Variants in OXA1L observed in about 807,000 individuals in gnomAD.
The protein encoded by OXA1L is mitochondrial inner membrane protein OXA1L.
Under a neutral mutation model 52.2 loss-of-function variants are expected in OXA1L, and 42 were observed. The ratio of observed to expected loss-of-function variants is 0.80; its 90% CI spans 0.63 to 1.04. OXA1L has a LOEUF of 1.04. OXA1L is among the 50% of genes least tolerant of loss of function. OXA1L has a pLI of 0.00. For missense variants in OXA1L, 572 were observed against 555.0 expected, an observed-to-expected ratio of 1.03 and a Z score of -0.31; for synonymous variants, 239 against 201.9, an observed-to-expected ratio of 1.18 and a Z score of -1.56.
chr14:22,771,847 C>T lies in OXA1L; in HGVS notation c.*289C>T. ...GTGCACTTCAGAAAACTGAAGAATA[C>T]CCAGCATTTTGGGAGGCCGAGGTGG... On this transcript the variant is annotated 3_prime_UTR_variant, in exon 10 of 10. Transcript: ENST00000612549. 6.1e-6 allele frequency: 2 copies of T among 326,122 alleles called. No homozygotes were observed. The highest frequency in any genetic ancestry group is 6.1e-5 in the East Asian group (1 of 16,292). The allele number at this position is 326,122 out of a possible 1,614,324, so 20.2% of individuals were successfully genotyped here. A position where few individuals can be genotyped will look rare whatever the true frequency, so the allele number is the denominator to read the frequency against.
rs2038454933 is a variant in OXA1L at position 22,771,070 on chromosome 14, C to T, written c.992C>T (p.Ser331Phe). ...AATTTGTTTTCCCTGGTCCAAGTAT[C>T]CTGTCTCCGGATTCCAGCAGTACGC... ...SSNLFSLVQV[S>F]CLRIPAVRTV... is the part of the protein sequence containing the mutation. Residue 331 changes from serine (S) to phenylalanine (F), a missense_variant, in exon 8 of 10, where the codon TCC (serine) becomes TTC (phenylalanine). Ser to Phe is a radical substitution (Grantham distance 155). Transcript: ENST00000612549. 6.2e-7 allele frequency: 1 copy of T among 1,614,172 alleles called. No homozygotes were observed. Among genetic ancestry groups the T allele is most frequent in the Non-Finnish European group, 8.5e-7 (1 of 1,180,022 alleles).
Position 22,769,895 on chromosome 14 carries a change from C to A in OXA1L, c.544C>A (p.Arg182=). Residue 182 remains arginine (R), a synonymous_variant, in exon 4 of 10, where the codon CGA becomes AGA. Transcript: ENST00000612549. ...GCCAGAGATCCAGAAGTTTTCCAGT[C>A]GAATCAGAGAGGCCAAGTTAGCAGG... ...HLPEIQKFSS[R]IREAKLAGDH... 6.2e-7 allele frequency: 1 copy of A among 1,614,052 alleles called. No individual in the cohort carries two copies. Among genetic ancestry groups the A allele is most frequent in the Middle Eastern group, 1.6e-4 (1 of 6,062 alleles).
intron 1 of OXA1L, chr14:22,766,981 G>T: frequency 1.3e-6 from 2 of 1,530,074 alleles, no homozygotes; most frequent in Non-Finnish European, 1.7e-6. Flanking sequence ...GGCTCCTGGC[G>T]AGAGCACCTC....
rs1183823187 is a variant in OXA1L, at chr14:22,772,167, A to AATG, written c.*610_*612dup. 3 of 152,214 alleles carry AATG rather than the reference A, an allele frequency of 2.0e-5. No individual in the cohort carries two copies. Among genetic ancestry groups the AATG allele is most frequent in the African/African-American group, 7.3e-5 (3 of 41,282 alleles). 9.4% of individuals were successfully genotyped at this position (152,214 alleles called of 1,614,324 possible). A position where few individuals can be genotyped will look rare whatever the true frequency, so the allele number is the denominator to read the frequency against. ...GCTGGCCCATGGCCTTGGAAAATAT[A>AATG]ATGTTTTAACCTGGCATTAAGGGTT... On this transcript the variant is annotated 3_prime_UTR_variant, in exon 10 of 10. Transcript: ENST00000612549.
rs1226583494 is a variant in OXA1L, at chr14:22,767,311, C to T, written c.127C>T (p.Pro43Ser). The change falls in exon 2 of 10, where the codon CCA (proline) becomes TCA (serine). Residue 43 changes from proline to serine, a missense_variant. Pro to Ser is a moderately conservative substitution (Grantham distance 74). Around this residue, in one of 5 missense-constraint regions of OXA1L, gnomAD observed 186 missense variants for 151.8 expected, o/e 1.23. Coordinates refer to ENST00000612549, the MANE Select transcript of OXA1L (RefSeq NM_005015.5). The stretch of plus-strand genomic sequence containing the variant: ...ACCGCTGACCACACGGCTCCTATTC[C>T]CAGCAGCCCCGTGCTGCTGTCGCCC... ...GKPLTTRLLF[P>S]AAPCCCRPHY... 2.5e-6 allele frequency: 4 copies of T among 1,613,410 alleles called. No individual in the cohort carries two copies. The highest frequency in any genetic ancestry group is 1.3e-5 in the African/African-American group (1 of 74,904).
rs371565550 is a variant in OXA1L at position 22,771,110 on chromosome 14, C to G, written c.1032C>G (p.Ile344Met). 2 of 1,614,138 alleles carry G rather than the reference C, an allele frequency of 1.2e-6. No individual in the cohort carries two copies. The highest frequency in any genetic ancestry group is 1.7e-6 in the Non-Finnish European group (2 of 1,180,000). Residue 344 changes from isoleucine (I) to methionine (M), a missense_variant, in exon 8 of 10, where the codon ATC (isoleucine) becomes ATG (methionine). Transcript: ENST00000612549. ...CAGCAGTACGCACTGTACTTAAAATCCCCCAGCGTGTTGTACATGACCTGG... is the reference window on the plus strand; with the variant it reads ...CAGCAGTACGCACTGTACTTAAAATGCCCCAGCGTGTTGTACATGACCTGG... ...RIPAVRTVLK[I>M]PQRVVHDLDK...
In OXA1L at chr14:22,766,726, C is replaced by G. The variant is rs144214112; in HGVS notation, c.25C>G (p.Arg9Gly). 74 of 1,614,130 alleles carry G rather than the reference C, an allele frequency of 4.6e-5. No homozygotes were observed. The highest frequency in any genetic ancestry group is 6.0e-5 in the Non-Finnish European group (71 of 1,180,046). Residue 9 changes from arginine (R) to glycine (G), a missense_variant, in exon 1 of 10, where the codon CGC (arginine) becomes GGC (glycine). Physicochemically the swap from Arg to Gly is moderately radical, Grantham distance 125. Coordinates refer to ENST00000612549, the MANE Select transcript of OXA1L (RefSeq NM_005015.5). ...AATGGCGATGGGACTAATGTGCGGACGCCGGGAGCTTCTGCGCTTGCTACA... is the reference window on the plus strand; with the variant it reads ...AATGGCGATGGGACTAATGTGCGGAGGCCGGGAGCTTCTGCGCTTGCTACA... MAMGLMCG[R>G]RELLRLLQSG... is the part of the protein sequence containing the mutation.
rs11553401 is a variant in OXA1L at position 22,768,079 on chromosome 14, T to C, written c.347T>C (p.Leu116Pro). ...GAGCAGAGCTTCGCTGAACTGGGGC[T>C]GGGGTCATACACCCCAGTGGGACTG... is the stretch of plus-strand genomic sequence containing the variant. The part of the protein sequence containing the change: ...AAEQSFAELG[L>P]GSYTPVGLIQ... Residue 116 changes from leucine (L) to proline (P), a missense_variant, in exon 3 of 10, where the codon CTG becomes CCG. By Grantham distance (98) the Leu-to-Pro change is moderately conservative. Transcript: ENST00000612549. 1.9e-6 allele frequency: 3 copies of C among 1,614,076 alleles called. No individual in the cohort carries two copies. Among genetic ancestry groups the C allele is most frequent in the Non-Finnish European group, 2.5e-6 (3 of 1,179,884 alleles).
intron 5 of OXA1L, 35 bp from the exon 6 acceptor site, chr14:22,770,426 T>G (rs1228869193): frequency 6.2e-7 from 1 of 1,605,526 alleles, no homozygotes; most frequent in Non-Finnish European, 8.5e-7. Context: ...TTCTCTCTGG[T>G]AAAGCATGCT....
At chr14:22,770,322 A>C (rs766366225) in intron 5 of OXA1L, 44 bp downstream of exon 5, 1 of 1,534,564 alleles carries the variant, frequency 6.5e-7, no homozygotes, top group East Asian at 2.2e-5. Flanking sequence ...AGTACCCATG[A>C]AATTTCCTCT....
chr14:22,771,981 C>T lies in OXA1L; in HGVS notation c.*423C>T, dbSNP rs532543129. On this transcript the variant is annotated 3_prime_UTR_variant, in exon 10 of 10. Coordinates refer to ENST00000612549, the MANE Select transcript of OXA1L (RefSeq NM_005015.5). The stretch of plus-strand genomic sequence containing the variant: ...CACGTGGTGGTGCACACCTGTAGTC[C>T]CAGCTACTCGGGAGGCTGAGGCAGG... 6.6e-5 allele frequency: 11 copies of T among 167,864 alleles called. No homozygotes were observed. In the South Asian group the frequency reaches 1.5e-3, roughly 24 times the overall value. 10.4% of individuals were successfully genotyped at this position (167,864 alleles called of 1,614,324 possible).
chr14:22,767,520 C>A, intron 2 of OXA1L, 111 bp downstream of exon 2: 1 of 862,994 alleles, frequency 1.2e-6, no homozygotes. Flanking sequence ...TGTCCACGCT[C>A]CACACAGCTC....
At position 22,768,028 on chromosome 14, in the gene OXA1L, C is replaced by T. The variant is rs377762115; in HGVS notation, c.296C>T (p.Thr99Ile). 9 of 1,614,112 alleles carry T rather than the reference C, an allele frequency of 5.6e-6. No homozygotes were observed. The African/African-American group carries it at 1.2e-4, about 22-fold the overall frequency. ...GTACCTGAGGTGGCTTCTGGAGAGA[C>T]TGCAGATGTAGTCCAAACTGCTGCA... ...TAVPEVASGE[T>I]ADVVQTAAEQ... Residue 99 changes from threonine to isoleucine, a missense_variant, in exon 3 of 10, where the codon ACT becomes ATT. Physicochemically the swap from Thr to Ile is moderately conservative, Grantham distance 89. Around this residue, in one of 5 missense-constraint regions of OXA1L, gnomAD observed 186 missense variants for 151.8 expected, o/e 1.23. Coordinates refer to ENST00000612549, the MANE Select transcript of OXA1L (RefSeq NM_005015.5).
intron 4 of OXA1L, 45 bp from the exon 5 acceptor site, chr14:22,770,148 T>A: frequency 7.7e-6 from 11 of 1,431,692 alleles, no homozygotes; most frequent in Non-Finnish European, 1.1e-5. Context: ...TCACCTCCAC[T>A]GATGTAACTG....
chr14:22,767,663 T>C, intron 2 of OXA1L: 1 of 506,132 alleles, frequency 2.0e-6, no homozygotes, highest in Non-Finnish European at 3.5e-6. Flanking sequence ...CATGTTAATA[T>C]ATGGCAAAAA....
rs1566435705 is a variant in OXA1L, at chr14:22,771,504, T to TGGC, written c.1254_1255insGGC (p.Pro418_Ser419insGly). On this transcript the variant is annotated inframe_insertion, in exon 10 of 10. Coordinates refer to ENST00000612549, the MANE Select transcript of OXA1L (RefSeq NM_005015.5). ...GAAAGGATAACCCTCCCAATATCCC[T>TGGC]AGCAGCAGCAGCAAACCAAAGTCAA... The TGGC allele has an allele frequency of 6.2e-7, 1 of 1,611,306 alleles. No homozygotes were observed. Among genetic ancestry groups the TGGC allele is most frequent in the African/African-American group, 1.3e-5 (1 of 74,798 alleles).
At chr14:22,771,211 A>G (rs544915653) in intron 8 of OXA1L, 31 bp downstream of exon 8, 3 of 1,613,240 alleles carry the variant, frequency 1.9e-6, no homozygotes, top group South Asian at 2.2e-5. Context: ...AAAAAGGACT[A>G]GGGAAAGGGG....
rs773058015 is a variant in OXA1L, at chr14:22,771,148, C to G, written c.1070C>G (p.Pro357Arg). Residue 357 changes from proline (P) to arginine (R), a missense_variant, in exon 8 of 10, where the codon CCA (proline) becomes CGA (arginine). By Grantham distance (103) the Pro-to-Arg change is moderately radical. Transcript: ENST00000612549. ...GTACATGACCTGGACAAATTACCTC[C>G]ACGGGAAGGCTTCCTAGAGAGCTTC... ...RVVHDLDKLP[P>R]REGFLESFKK... 2.5e-6 allele frequency: 4 copies of G among 1,614,042 alleles called. No individual in the cohort carries two copies. The Admixed American group carries it at 6.7e-5, about 27-fold the overall frequency.
At chr14:22,767,491 G>A in intron 2 of OXA1L, 82 bp downstream of exon 2, 4 of 1,242,194 alleles carry the variant, frequency 3.2e-6, no homozygotes, top group East Asian at 2.4e-5. Flanking sequence ...GGAGCAGGGG[G>A]AATATGGAGC....
Sources: gnomAD v4.1 joint callset for allele counts on GRCh38, gnomAD v4.1.1 for gene constraint, gnomAD v4.1.1 regional missense constraint, MANE v1.5 for transcripts, NCBI Gene and HGNC (gene_info 2026-07-23, HGNC 2026-07-21) for gene names.